GAB2: variants seen among roughly 807,000 people sequenced by gnomAD.
GAB2 encodes GRB2 associated binding protein 2.
GAB2 carries 26 observed loss-of-function variants against 65.5 expected under a neutral mutation model. That is an observed-to-expected ratio of 0.40 (90% CI 0.29 to 0.55). The LOEUF (loss-of-function observed/expected upper bound fraction) is 0.55. Among genes scored for constraint, GAB2 ranks in the 20% least tolerant of loss-of-function variants. The pLI is 0.53. For synonymous variants in GAB2, 321 were observed against 329.6 expected (o/e 0.97, Z 0.28); for missense variants, 884 against 875.8 (o/e 1.01, Z -0.12).
intron 1 of GAB2, among the ~76,000 whole-genome samples, chr11:78,304,996 T>C (rs1855326167): frequency 6.6e-6 from 1 of 152,192 alleles, no homozygotes; most frequent in Non-Finnish European, 1.5e-5. Context: ...TTCCTTACTC[T>C]CTCTGGGAGG....
chr11:78,380,840 T>C (rs376044420), intron 1 of GAB2, among the ~76,000 whole-genome samples: 1 of 132,622 alleles, frequency 7.5e-6, no homozygotes, highest in African/African-American at 2.8e-5. Flanking sequence ...TCTCAGAACG[T>C]TGTCCCTCCT....
At chr11:78,275,088 G>A (rs375361868) in intron 2 of GAB2, among the ~76,000 whole-genome samples, 1 of 152,086 alleles carries the variant, frequency 6.6e-6, no homozygotes, top group Admixed American at 6.5e-5. Context: ...CAAGGGTTAG[G>A]TACTCTTCAC....
intron 1 of GAB2, among the ~76,000 whole-genome samples, chr11:78,294,605 A>G (rs921606083): frequency 1.3e-5 from 2 of 152,130 alleles, no homozygotes; most frequent in Non-Finnish European, 2.9e-5. Context: ...AATGATCGCC[A>G]TTTGACAAAC....
chr11:78,226,326 C>T (rs1864648884), intron 4 of GAB2, 139 bp downstream of exon 4: 2 of 693,580 alleles, frequency 2.9e-6, no homozygotes, highest in South Asian at 3.4e-5. Flanking sequence ...GGGTAGAAGA[C>T]ACCTATGTTT....
At chr11:78,353,078 A>G (rs1252914233) in intron 1 of GAB2, among the ~76,000 whole-genome samples, 8 of 152,198 alleles carry the variant, frequency 5.3e-5, no homozygotes, top group Admixed American at 5.2e-4. Flanking sequence ...CAGCAGCATG[A>G]GCATCATCTA....
intron 2 of GAB2, among the ~76,000 whole-genome samples, chr11:78,262,120 T>C (rs1175766637): frequency 1.3e-5 from 2 of 152,102 alleles, no homozygotes; most frequent in East Asian, 3.8e-4. Flanking sequence ...ACTGGTATAG[T>C]GTGGATGGCT....
chr11:78,292,996 G>C (rs997694590), intron 1 of GAB2, among the ~76,000 whole-genome samples: 2 of 152,206 alleles, frequency 1.3e-5, no homozygotes, highest in Non-Finnish European at 2.9e-5. Context: ...AGAACTTGAG[G>C]TGAAGCTACT....
intron 5 of GAB2, among the ~76,000 whole-genome samples, chr11:78,223,901 C>G (rs114186845): frequency 6.6e-6 from 1 of 151,900 alleles, no homozygotes; most frequent in African/African-American, 2.4e-5. Context: ...GCCAACATGG[C>G]AAAACCTCCT....
intron 1 of GAB2, among the ~76,000 whole-genome samples, chr11:78,390,983 T>C (rs957066771): frequency 6.6e-6 from 1 of 152,216 alleles, no homozygotes; most frequent in African/African-American, 2.4e-5. Context: ...GGCGGTACTA[T>C]GAAAGCGGAA....
At position 78,280,862 on chromosome 11, in the gene GAB2, T is replaced by A; in HGVS notation, c.115A>T (p.Met39Leu). The change falls in exon 2 of 10, where the codon ATG becomes TTG. Residue 39 changes from methionine to leucine, a missense_variant. Physicochemically the swap from Met to Leu is conservative, Grantham distance 15. Transcript: ENST00000361507. ...TCCAGAACATCTGGGTCACCGCTCA[T>A]CCGGCCACTCCGCAGGATAAACCAG... The part of the protein sequence containing the change: ...KRWFILRSGR[M>L]SGDPDVLEYY... The A allele has an allele frequency of 6.2e-7, 1 of 1,614,090 alleles. No individual in the cohort carries two copies. Among genetic ancestry groups the A allele is most frequent in the Non-Finnish European group, 8.5e-7 (1 of 1,179,956 alleles).
At chr11:78,380,876 A>T (rs1053201019) in intron 1 of GAB2, among the ~76,000 whole-genome samples, 1 of 147,304 alleles carries the variant, frequency 6.8e-6, no homozygotes, top group African/African-American at 2.5e-5. Flanking sequence ...CTTGGAATGT[A>T]GGAATCTGTA....
chr11:78,413,514 C>T (rs556671488), intron 1 of GAB2, among the ~76,000 whole-genome samples: 2 of 152,044 alleles, frequency 1.3e-5, no homozygotes, highest in Non-Finnish European at 2.9e-5. Flanking sequence ...ACCTGGGTAT[C>T]GCTGGTGCCT....
At chr11:78,405,016 ATG>A (rs2135086641) in intron 1 of GAB2, among the ~76,000 whole-genome samples, 1 of 152,108 alleles carries the variant, frequency 6.6e-6, no homozygotes, top group East Asian at 1.9e-4. Flanking sequence ...TACAACTATT[ATG>A]TATCCGTAAA....
At chr11:78,266,147 G>A (rs982798553) in intron 2 of GAB2, among the ~76,000 whole-genome samples, 18 of 148,360 alleles carry the variant, frequency 1.2e-4, no homozygotes, top group African/African-American at 4.0e-4. Context: ...CCTGAGTGGT[G>A]GAGGCTGCAG....
chr11:78,392,864 C>G (rs1028853381), intron 1 of GAB2, among the ~76,000 whole-genome samples: 1 of 152,228 alleles, frequency 6.6e-6, no homozygotes, highest in Non-Finnish European at 1.5e-5. Context: ...GCCTCTGACA[C>G]TGCCCCACTC....
intron 1 of GAB2, among the ~76,000 whole-genome samples, chr11:78,304,040 T>C (rs552863646): frequency 6.6e-6 from 1 of 151,914 alleles, no homozygotes; most frequent in African/African-American, 2.4e-5. Context: ...AAATTATATA[T>C]TTAAAATTAT....
intron 1 of GAB2, among the ~76,000 whole-genome samples, chr11:78,410,179 G>C (rs1445170060): frequency 6.6e-6 from 1 of 152,152 alleles, no homozygotes; most frequent in East Asian, 1.9e-4. Context: ...TTAAATAAGA[G>C]GAAAAGTCTC....
rs770048392 is a variant in GAB2, at chr11:78,226,864, G to A, written c.808C>T (p.Arg270Cys). ...EFRDSTYDLP[R>C]SLASHGHTKG... ...GTGTGGCCATGGGAGGCCAGGCTGC[G>A]GGGGAGGTCGTAGGTACTGTCTCTG... The change falls in exon 4 of 10, where the codon CGC becomes TGC. Residue 270 changes from arginine (R) to cysteine (C), a missense_variant. Arg to Cys is a radical substitution (Grantham distance 180, BLOSUM62 -3). Transcript: ENST00000361507. The A allele has an allele frequency of 7.4e-6, 12 of 1,614,106 alleles. No individual in the cohort carries two copies. Among genetic ancestry groups the A allele is most frequent in the South Asian group, 6.6e-5 (6 of 91,082 alleles).
At chr11:78,257,009 GT>G (rs34131674) in intron 2 of GAB2, among the ~76,000 whole-genome samples, 25,901 of 148,484 alleles carry the variant, frequency 0.17, 2,565 homozygotes, top group East Asian at 0.4. Context: ...CTTTTAAACA[GT>G]TTTTTTTTTT....
Sources: allele counts gnomAD v4.1 joint callset (sites outside exome capture counted in the v4.1 genomes callset), GRCh38; gene constraint gnomAD v4.1.1; transcripts MANE v1.5; gene names NCBI Gene and HGNC (gene_info 2026-07-23, HGNC 2026-07-21).